TMEM9: variants seen among roughly 807,000 people sequenced by gnomAD.
TMEM9 encodes the protein transmembrane protein 9.
A neutral mutation model predicts 22.8 loss-of-function variants in TMEM9; 13 were observed. The ratio of observed to expected loss-of-function variants is 0.57; its 90% CI spans 0.37 to 0.91. The LOEUF (loss-of-function observed/expected upper bound fraction) is 0.91. TMEM9 is among the 40% of genes least tolerant of loss of function. The probability of loss-of-function intolerance (pLI) is 0.01; values close to 1 mark genes in which losing one functional copy is unlikely to be tolerated. For synonymous variants in TMEM9, 88 were observed against 93.0 expected (o/e 0.95, Z 0.31); for missense variants, 182 against 238.1 (o/e 0.76, Z 1.55).
At chr1:201,168,054 A>G (rs1003070911) in intron 1 of TMEM9, among the ~76,000 whole-genome samples, 1 of 152,162 alleles carries the variant, frequency 6.6e-6, no homozygotes, top group Non-Finnish European at 1.5e-5. Context: ...CTGGGTCATC[A>G]TTATGTTTGT....
intron 1 of TMEM9, among the ~76,000 whole-genome samples, chr1:201,164,971 G>A (rs1401230067): frequency 3.3e-5 from 5 of 151,668 alleles, no homozygotes; most frequent in South Asian, 2.1e-4. Flanking sequence ...GTGAGATACC[G>A]TAATTAACTC....
chr1:201,161,591 C>A (rs1027500285), intron 1 of TMEM9, among the ~76,000 whole-genome samples: 11 of 152,182 alleles, frequency 7.2e-5, no homozygotes, highest in Non-Finnish European at 1.0e-4. Context: ...GTTCGGGGAA[C>A]CTTAAAGTAA....
At chr1:201,169,085 T>C (rs970003726) in intron 1 of TMEM9, among the ~76,000 whole-genome samples, 3 of 151,520 alleles carry the variant, frequency 2.0e-5, no homozygotes, top group Admixed American at 2.0e-4. Flanking sequence ...GTAAAGAACT[T>C]AGATGAGGAG....
chr1:201,154,054 T>C lies in TMEM9; in HGVS notation c.-131A>G. ...ACCATCCGGCCAAGTGGGAATGGGGTTGGGGGCTGGGCTCCAGGATTCCAA... is the reference window on the plus strand; with the variant it reads ...ACCATCCGGCCAAGTGGGAATGGGGCTGGGGGCTGGGCTCCAGGATTCCAA... On this transcript the variant is annotated 5_prime_UTR_variant, in exon 1 of 5. Transcript: ENST00000367330. 1 of 1,111,042 alleles carries C rather than the reference T, an allele frequency of 9.0e-7. No homozygotes were observed. The highest frequency in any genetic ancestry group is 1.3e-6 in the Non-Finnish European group (1 of 797,242). 68.8% of individuals were successfully genotyped at this position (1,111,042 alleles called of 1,614,324 possible). A position where few individuals can be genotyped will look rare whatever the true frequency, so the allele number is the denominator to read the frequency against.
chr1:201,167,480 T>C (rs572588845), intron 1 of TMEM9, among the ~76,000 whole-genome samples: 15 of 152,274 alleles, frequency 9.9e-5, no homozygotes, highest in African/African-American at 3.1e-4. Flanking sequence ...GGAAAAAACC[T>C]GAAAAAGCTG....
intron 2 of TMEM9, among the ~76,000 whole-genome samples, chr1:201,149,223 G>T (rs986193870): frequency 1.3e-5 from 2 of 152,136 alleles, no homozygotes; most frequent in Non-Finnish European, 2.9e-5. Flanking sequence ...ACTTCTCCAG[G>T]CCTCGGTTCC....
rs138584504 is a variant in TMEM9, at chr1:201,150,359, A to G, written c.158+1402T>C. 1.7e-3 allele frequency among the ~76,000 whole-genome samples: 263 copies of G among 152,352 alleles called. 2 individuals carry two copies. The highest frequency in any genetic ancestry group is 0.016 in the South Asian group (76 of 4,830). On this transcript the variant is annotated intron_variant, in intron 2 of 4. Coordinates refer to ENST00000367330, the MANE Select transcript of TMEM9 (RefSeq NM_001288565.2). ...TCTATGTGGCCACCAGTAAGGCATG[A>G]TAATATACATTAATATCAGCTAACA... is the stretch of plus-strand genomic sequence containing the variant.
At position 201,135,501 on chromosome 1, in the gene TMEM9, C is replaced by G; in HGVS notation, c.*162G>C. On this transcript the variant is annotated 3_prime_UTR_variant, in exon 5 of 5. Transcript: ENST00000367330. ...CATCCCTCTTCCCTAATCAAAATAG[C>G]CAAGTACAACATTTCTAAAGTTAGG... The G allele has an allele frequency of 1.4e-6, 1 of 693,426 alleles. No individual in the cohort carries two copies. The highest frequency in any genetic ancestry group is 3.2e-5 in the East Asian group (1 of 31,516). The allele number at this position is 693,426 out of a possible 1,614,324, so 43.0% of individuals were successfully genotyped here.
chr1:201,162,899 CA>C (rs1665983358), intron 1 of TMEM9, among the ~76,000 whole-genome samples: 1 of 151,384 alleles, frequency 6.6e-6, no homozygotes, highest in Non-Finnish European at 1.5e-5. Flanking sequence ...AGAAAGTAGG[CA>C]AAAGACAGAG....
intron 4 of TMEM9, among the ~76,000 whole-genome samples, chr1:201,139,050 A>G (rs894561800): frequency 6.6e-6 from 1 of 152,232 alleles, no homozygotes; most frequent in Non-Finnish European, 1.5e-5. Flanking sequence ...AACTGTGTGG[A>G]TAAGCCCCAG....
At chr1:201,149,877 T>C (rs1179046016) in intron 2 of TMEM9, among the ~76,000 whole-genome samples, 1 of 152,162 alleles carries the variant, frequency 6.6e-6, no homozygotes, top group Non-Finnish European at 1.5e-5. Context: ...TCAAGGTCAG[T>C]GTCACTGGGT....
At chr1:201,139,088 G>C (rs1664271148) in intron 4 of TMEM9, among the ~76,000 whole-genome samples, 1 of 152,218 alleles carries the variant, frequency 6.6e-6, no homozygotes, top group Non-Finnish European at 1.5e-5. Context: ...GAGCCCTTCA[G>C]GCCGTCCCAG....
intron 1 of TMEM9, among the ~76,000 whole-genome samples, chr1:201,165,759 G>T (rs1666059622): frequency 6.6e-6 from 1 of 152,102 alleles, no homozygotes; most frequent in Non-Finnish European, 1.5e-5. Flanking sequence ...TTTAAAGGGT[G>T]GGACCTTGCT....
intron 1 of TMEM9, among the ~76,000 whole-genome samples, chr1:201,161,063 C>T (rs1665933098): frequency 1.3e-5 from 2 of 151,960 alleles, no homozygotes; most frequent in South Asian, 4.1e-4. Flanking sequence ...ACAATAAATT[C>T]ATTGTATGCA....
intron 1 of TMEM9, among the ~76,000 whole-genome samples, chr1:201,165,390 T>C (rs78883503): frequency 6.6e-6 from 1 of 151,298 alleles, no homozygotes; most frequent in Non-Finnish European, 1.5e-5. Context: ...AGATAATGTT[T>C]TATGTCTATG....
At chr1:201,155,807 A>C (rs1223239383), upstream of TMEM9, among the ~76,000 whole-genome samples, 2 of 152,154 alleles carry the variant, frequency 1.3e-5, no homozygotes, top group African/African-American at 4.8e-5. Context: ...AAATGGGATT[A>C]ATATTACCAA....
intron 1 of TMEM9, among the ~76,000 whole-genome samples, chr1:201,160,894 C>T (rs1427785336): frequency 6.6e-6 from 1 of 151,234 alleles, no homozygotes; most frequent in African/African-American, 2.4e-5. Context: ...CGAGATCATG[C>T]CACTGCACTC....
intron 4 of TMEM9, among the ~76,000 whole-genome samples, chr1:201,138,482 A>G (rs923693446): frequency 2.6e-5 from 4 of 152,158 alleles, no homozygotes; most frequent in Non-Finnish European, 4.4e-5. Context: ...TGGAAGTGGG[A>G]GAAATGCCAC....
intron 1 of TMEM9, among the ~76,000 whole-genome samples, chr1:201,164,997 G>A (rs1199128709): frequency 1.3e-5 from 2 of 151,578 alleles, no homozygotes; most frequent in Admixed American, 1.3e-4. Context: ...AGGCCCAATT[G>A]GATGCTAAGC....
Sources: gnomAD v4.1 joint callset for allele counts (sites outside exome capture counted in the v4.1 genomes callset) on GRCh38, gnomAD v4.1.1 for gene constraint, MANE v1.5 for transcripts, NCBI Gene and HGNC (gene_info 2026-07-23, HGNC 2026-07-21) for gene names.